HOXC6: variants seen among roughly 807,000 people sequenced by gnomAD.
The protein encoded by HOXC6 is homeobox protein Hox-C6.
A neutral mutation model predicts 24.0 loss-of-function variants in HOXC6; 10 were observed. The observed-to-expected ratio is 0.42, with a 90% confidence interval of 0.26 to 0.71. The LOEUF (loss-of-function observed/expected upper bound fraction) is 0.71, where lower values mean the gene tolerates loss of function less well. Ranked by LOEUF, HOXC6 falls within the 30% of genes least tolerant of loss-of-function variation. The pLI is 0.28. For synonymous variants in HOXC6, 123 were observed against 128.1 expected (o/e 0.96, Z 0.27); for missense variants, 258 against 303.4 (o/e 0.85, Z 1.11).
Position 54,028,551 on chromosome 12 carries a change from A to G in HOXC6, c.30A>G (p.Leu10=). Residue 10 remains leucine, a synonymous_variant, in exon 1 of 2, where the codon TTA becomes TTG. Coordinates refer to ENST00000243108, the MANE Select transcript of HOXC6 (RefSeq NM_004503.4). MNSYFTNPS[L]SCHLAGGQDV... Reference sequence around the variant, plus strand: ...ATTCCTACTTCACTAACCCTTCCTTATCCTGCCACCTCGCCGGGGGCCAGG... The same window carrying G: ...ATTCCTACTTCACTAACCCTTCCTTGTCCTGCCACCTCGCCGGGGGCCAGG... 3 of 1,614,150 alleles carry G rather than the reference A, an allele frequency of 1.9e-6. No homozygotes were observed. The highest frequency in any genetic ancestry group is 2.5e-6 in the Non-Finnish European group (3 of 1,180,030).
intron 1 of HOXC6, among the ~76,000 whole-genome samples, chr12:54,019,275 T>TC (rs1315891608): frequency 6.8e-6 from 1 of 147,798 alleles, no homozygotes; most frequent in Non-Finnish European, 1.5e-5. Flanking sequence ...CGCTTGGCTC[T>TC]CCCCAAATGG....
intron 1 of HOXC6, chr12:54,020,333 C>T (rs1434195251): frequency 6.6e-6 from 1 of 152,270 alleles, no homozygotes; most frequent in African/African-American, 2.4e-5. Flanking sequence ...CACCCTTAGG[C>T]TTGCCTGCCC....
chr12:54,020,307 G>A (rs1227947057), intron 1 of HOXC6: 2 of 152,278 alleles, frequency 1.3e-5, no homozygotes, highest in Non-Finnish European at 2.9e-5. Flanking sequence ...CTCCCCCTCT[G>A]AGCCCACTCT....
upstream of HOXC6, among the ~76,000 whole-genome samples, chr12:54,026,976 G>A (rs75018946): frequency 0.041 from 5,845 of 143,158 alleles, 156 homozygotes; most frequent in East Asian, 0.073. Flanking sequence ...GGGGGGGGGG[G>A]ATATGAGCTT....
intron 1 of HOXC6, among the ~76,000 whole-genome samples, chr12:54,018,004 G>A (rs1360909332): frequency 6.6e-6 from 1 of 152,240 alleles, no homozygotes; most frequent in Non-Finnish European, 1.5e-5. Flanking sequence ...CAGCTAGGCG[G>A]CCGGCGGGGC....
At chr12:54,029,037 C>G (rs1008115998) in intron 1 of HOXC6, 116 bp downstream of exon 1, 1 of 1,000,034 alleles carries the variant, frequency 1.0e-6, no homozygotes, top group Non-Finnish European at 1.4e-6. Flanking sequence ...CAATCACGCT[C>G]GTCTCCTCAC....
In HOXC6 at chr12:54,029,938, A is replaced by T. The variant is rs1340576681; in HGVS notation, c.684A>T (p.Thr228=). 6.3e-7 allele frequency: 1 copy of T among 1,590,902 alleles called. No individual in the cohort carries two copies. Among genetic ancestry groups the T allele is most frequent in the Admixed American group, 1.8e-5 (1 of 56,354 alleles). ...GAAAAGAGGAAAAGCGGGAAGAGACAGAAGAGGAGAAGCAGAAAGAGTGAC... is the reference window on the plus strand; with the variant it reads ...GAAAAGAGGAAAAGCGGGAAGAGACTGAAGAGGAGAAGCAGAAAGAGTGAC... ...LGGKEEKREE[T]EEEKQKE The change falls in exon 2 of 2, where the codon ACA becomes ACT. Residue 228 remains threonine (T), a synonymous_variant. Coordinates refer to ENST00000243108, the MANE Select transcript of HOXC6 (RefSeq NM_004503.4).
At chr12:54,018,893 G>C (rs748765685) in intron 1 of HOXC6, among the ~76,000 whole-genome samples, 2 of 152,178 alleles carry the variant, frequency 1.3e-5, no homozygotes, top group Non-Finnish European at 2.9e-5. Context: ...AGTCCCAGTG[G>C]GGGAGGGGAT....
In HOXC6 at chr12:54,028,467, G is replaced by A; in HGVS notation, c.-55G>A. 6.4e-7 allele frequency: 1 copy of A among 1,558,046 alleles called. No homozygotes were observed. Among genetic ancestry groups the A allele is most frequent in the African/African-American group, 1.4e-5 (1 of 73,334 alleles). The stretch of plus-strand genomic sequence containing the variant: ...AACCATCTAGTTCCGAGTACAAACT[G>A]GAGACAGAAATAAATATTAAAGAAA... On this transcript the variant is annotated 5_prime_UTR_variant, in exon 1 of 2. Transcript: ENST00000243108.
At chr12:54,027,608 C>T (rs935634192), upstream of HOXC6, among the ~76,000 whole-genome samples, 7 of 151,840 alleles carry the variant, frequency 4.6e-5, no homozygotes, top group African/African-American at 1.7e-4. Context: ...CACCTCCCTA[C>T]ATTTTACTTC....
exon 1 of HOXC6, chr12:54,017,290 A>C (rs1374610392): frequency 3.3e-5 from 5 of 152,110 alleles, no homozygotes; most frequent in African/African-American, 1.2e-4. Context: ...AATTTATATA[A>C]AGTATATGTG....
upstream of HOXC6, among the ~76,000 whole-genome samples, chr12:54,026,131 G>T (rs1940687096): frequency 6.6e-6 from 1 of 152,088 alleles, no homozygotes; most frequent in African/African-American, 2.4e-5. Flanking sequence ...TGGAGGGGGG[G>T]ACAGAGTTAC....
upstream of HOXC6, among the ~76,000 whole-genome samples, chr12:54,024,455 T>C (rs965593778): frequency 3.9e-5 from 6 of 152,130 alleles, no homozygotes; most frequent in Non-Finnish European, 8.8e-5. Context: ...CGCGCAGAGT[T>C]AGGGGATCTG....
intron 1 of HOXC6, among the ~76,000 whole-genome samples, chr12:54,019,392 G>A (rs1370807207): frequency 6.6e-6 from 1 of 152,206 alleles, no homozygotes; most frequent in Non-Finnish European, 1.5e-5. Context: ...GGAACCCGGA[G>A]TCTGTGGGAC....
chr12:54,029,420 C>CT (rs1391240893), intron 1 of HOXC6, among the ~76,000 whole-genome samples: 2 of 141,608 alleles, frequency 1.4e-5, no homozygotes, highest in African/African-American at 5.2e-5. Context: ...CGCCCCCCCC[C>CT]CCACCACACA....
At chr12:54,025,674 G>C (rs563996173), upstream of HOXC6, among the ~76,000 whole-genome samples, 196 of 151,946 alleles carry the variant, frequency 1.3e-3, no homozygotes, top group African/African-American at 4.5e-3. Context: ...ATTATAAATC[G>C]GCGAGACCTT....
At position 54,029,701 on chromosome 12, in the gene HOXC6, G is replaced by A. The variant is rs1280656905; in HGVS notation, c.447G>A (p.Ser149=). 1 of 1,614,114 alleles carries A rather than the reference G, an allele frequency of 6.2e-7. No individual in the cohort carries two copies. The part of the protein sequence containing the change: ...ADRRRGRQIY[S]RYQTLELEKE... ...GGAGGCGCGGCCGCCAGATCTACTCGCGGTACCAGACCCTGGAACTGGAGA... is the reference window on the plus strand; with the variant it reads ...GGAGGCGCGGCCGCCAGATCTACTCACGGTACCAGACCCTGGAACTGGAGA... The change falls in exon 2 of 2, where the codon TCG becomes TCA. Residue 149 remains serine, a synonymous_variant. Coordinates refer to ENST00000243108, the MANE Select transcript of HOXC6 (RefSeq NM_004503.4).
chr12:54,017,118 C>T (rs1306980558), exon 1 of HOXC6: 1 of 152,216 alleles, frequency 6.6e-6, no homozygotes, highest in East Asian at 1.9e-4. Flanking sequence ...TCCCGACCCT[C>T]TGGCCCCCAA....
At chr12:54,027,639 C>T (rs556420200), upstream of HOXC6, among the ~76,000 whole-genome samples, 528 of 127,266 alleles carry the variant, frequency 4.1e-3, 1 homozygote, top group African/African-American at 0.015. Flanking sequence ...TTTTCTATTG[C>T]ATTTTTTATA....
Sources: allele counts gnomAD v4.1 joint callset (sites outside exome capture counted in the v4.1 genomes callset), GRCh38; gene constraint gnomAD v4.1.1; transcripts MANE v1.5; gene names NCBI Gene and HGNC (gene_info 2026-07-23, HGNC 2026-07-21).